Variants in PLEKHA1 observed in about 807,000 individuals in gnomAD.
PLEKHA1 encodes the protein pleckstrin homology domain containing A1.
A neutral mutation model predicts 52.0 loss-of-function variants in PLEKHA1; 34 were observed. The observed-to-expected ratio is 0.65, with a 90% CI of 0.50 to 0.87. PLEKHA1 has a LOEUF of 0.87. Ranked by LOEUF, PLEKHA1 falls within the 40% of genes least tolerant of loss-of-function variation. The pLI is 0.00. For missense variants in PLEKHA1, 497 were observed against 504.2 expected (o/e 0.99, Z 0.14); for synonymous variants, 163 against 170.7 (o/e 0.95, Z 0.35).
intron 11 of PLEKHA1, among the ~76,000 whole-genome samples, chr10:122,427,945 T>C (rs1019011465): frequency 4.6e-5 from 7 of 152,222 alleles, no homozygotes; most frequent in Admixed American, 1.3e-4. Context: ...TAACTACAGA[T>C]AAATAAATAG....
chr10:122,428,378 T>C (rs1177118293), intron 11 of PLEKHA1: 2 of 1,541,406 alleles, frequency 1.3e-6, no homozygotes, highest in African/African-American at 1.4e-5. Flanking sequence ...CGTGCCTTCT[T>C]AGTGGAGGGC....
intron 11 of PLEKHA1, chr10:122,428,502 A>G (rs1224742275): frequency 1.7e-6 from 2 of 1,178,506 alleles, no homozygotes; most frequent in Non-Finnish European, 2.1e-6. Context: ...TGTAGTCATC[A>G]GGTTGGATAT....
chr10:122,383,705 T>G (rs184831093), intron 1 of PLEKHA1, among the ~76,000 whole-genome samples: 2 of 152,272 alleles, frequency 1.3e-5, no homozygotes, highest in Non-Finnish European at 2.9e-5. Context: ...AATGCCGTTA[T>G]CACACCAAAA....
At position 122,384,179 on chromosome 10, in the gene PLEKHA1, G is replaced by A. The variant is rs764550772; in HGVS notation, c.-20-9002G>A. Reference sequence around the variant, plus strand: ...TTACTCATTTTTCTATTGAACGTTTGATATATTTCCCTTAACATTTTTTGC... The same window carrying A: ...TTACTCATTTTTCTATTGAACGTTTAATATATTTCCCTTAACATTTTTTGC... On this transcript the variant is annotated intron_variant, in intron 1 of 11. Transcript: ENST00000368990. Among the ~76,000 whole-genome samples the A allele has an allele frequency of 1.2e-3, 185 of 152,154 alleles. 1 individual carries two copies. The highest frequency in any genetic ancestry group is 2.0e-3 in the Non-Finnish European group (135 of 67,988).
chr10:122,437,504 C>CA, the PLEKHA1 span: 1 of 152,152 alleles, frequency 6.6e-6, no homozygotes, highest in South Asian at 2.1e-4. Flanking sequence ...TGGGAGTCTT[C>CA]AAAGTATTCG....
chr10:122,388,924 CCCT>C (rs2133900241), intron 1 of PLEKHA1, among the ~76,000 whole-genome samples: 1 of 134,980 alleles, frequency 7.4e-6, no homozygotes, highest in African/African-American at 2.5e-5. Context: ...CATTTTCAGG[CCCT>C]TCTAATTCTA....
chr10:122,390,912 A>G (rs577411863), intron 1 of PLEKHA1, among the ~76,000 whole-genome samples: 3 of 152,158 alleles, frequency 2.0e-5, no homozygotes, highest in Non-Finnish European at 4.4e-5. Flanking sequence ...CATTCCCACC[A>G]GCAACGTAGG....
chr10:122,377,645 A>G (rs1388169570), intron 1 of PLEKHA1, among the ~76,000 whole-genome samples: 1 of 152,228 alleles, frequency 6.6e-6, no homozygotes, highest in East Asian at 1.9e-4. Context: ...TTATGTAAAC[A>G]TAAAGCATCC....
intron 7 of PLEKHA1, among the ~76,000 whole-genome samples, chr10:122,417,293 C>T (rs982825071): frequency 6.7e-6 from 1 of 148,922 alleles, no homozygotes; most frequent in Non-Finnish European, 1.5e-5. Flanking sequence ...ATGGGGTTGG[C>T]GGGGGCGAGG....
chr10:122,399,845 A>G (rs2096903528), intron 3 of PLEKHA1, among the ~76,000 whole-genome samples: 1 of 152,104 alleles, frequency 6.6e-6, no homozygotes, highest in African/African-American at 2.4e-5. Context: ...TTGGCCTCTC[A>G]AAGTGCTGGG....
At chr10:122,420,043 C>T (rs2097237002) in intron 8 of PLEKHA1, 1 of 152,188 alleles carries the variant, frequency 6.6e-6, no homozygotes, top group Non-Finnish European at 1.5e-5. Context: ...CCAGAAGACA[C>T]CGGCATCAGC....
At chr10:122,384,384 G>A (rs768334975) in intron 1 of PLEKHA1, among the ~76,000 whole-genome samples, 8 of 152,024 alleles carry the variant, frequency 5.3e-5, no homozygotes, top group East Asian at 1.9e-4. Flanking sequence ...CGAGATGGGC[G>A]GATCACGTGG....
In PLEKHA1 at chr10:122,424,239, A is replaced by T. The variant is rs1366816119; in HGVS notation, c.722A>T (p.His241Leu). 15 of 1,586,362 alleles carry T rather than the reference A, an allele frequency of 9.5e-6. No individual in the cohort carries two copies. Among genetic ancestry groups the T allele is most frequent in the Non-Finnish European group, 1.3e-5 (15 of 1,173,562 alleles). The change falls in exon 9 of 12, where the codon CAT (histidine) becomes CTT (leucine). Residue 241 changes from histidine to leucine, a missense_variant. Physicochemically the swap from His to Leu is moderately conservative, Grantham distance 99. Coordinates refer to ENST00000368990, the MANE Select transcript of PLEKHA1 (RefSeq NM_001001974.4). The stretch of plus-strand genomic sequence containing the variant: ...CGTGTAATACCACTTAAAGAGGTTC[A>T]TAAAGTCCAGGAATGTAAGCAAAGG... ...PLRVIPLKEVHKVQECKQSDI... is the reference protein window; with the variant it reads ...PLRVIPLKEVLKVQECKQSDI...
chr10:122,378,352 CTG>C (rs963963362), intron 1 of PLEKHA1, among the ~76,000 whole-genome samples: 5 of 152,150 alleles, frequency 3.3e-5, no homozygotes, highest in Non-Finnish European at 7.3e-5. Flanking sequence ...CTGCCTTTAA[CTG>C]TATTTTGTAG....
intron 8 of PLEKHA1, chr10:122,420,617 T>A (rs906233855): frequency 3.3e-5 from 5 of 152,232 alleles, no homozygotes; most frequent in African/African-American, 1.2e-4. Context: ...GCCGAAAAAT[T>A]GGTGAAAATA....
At chr10:122,376,871 A>C (rs1049389444) in intron 1 of PLEKHA1, among the ~76,000 whole-genome samples, 2 of 152,220 alleles carry the variant, frequency 1.3e-5, no homozygotes, top group Non-Finnish European at 2.9e-5. Flanking sequence ...ATCGTTTGCT[A>C]ACATATAGGA....
rs776659208 is a variant in PLEKHA1 at position 122,397,920 on chromosome 10, C to T, written c.144C>T (p.Asn48=). The T allele has an allele frequency of 1.2e-6, 2 of 1,601,364 alleles. No homozygotes were observed. Among genetic ancestry groups the T allele is most frequent in the Non-Finnish European group, 1.7e-6 (2 of 1,170,140 alleles). The change falls in exon 3 of 12, where the codon AAC becomes AAT. Residue 48 remains asparagine (N), a splice_region_variant and synonymous_variant. Transcript: ENST00000368990. ...SFVWYMDNPQ[N]LPSGSSRVGA... Reference sequence around the variant, plus strand: ...ATATATTAATACTTTGTTTCTAGAACCTACCTTCTGGATCATCACGTGTTG... The same window carrying T: ...ATATATTAATACTTTGTTTCTAGAATCTACCTTCTGGATCATCACGTGTTG...
chr10:122,421,750 T>A (rs957776029), intron 8 of PLEKHA1: 2 of 152,144 alleles, frequency 1.3e-5, no homozygotes, highest in African/African-American at 4.8e-5. Flanking sequence ...TTAAAAAAAT[T>A]CAGCATCACT....
At chr10:122,426,108 C>T (rs573031164) in intron 10 of PLEKHA1, among the ~76,000 whole-genome samples, 2 of 152,252 alleles carry the variant, frequency 1.3e-5, no homozygotes, top group South Asian at 4.1e-4. Flanking sequence ...AGTTTTTGTA[C>T]ATTTACTGTA....
Sources: gnomAD v4.1 joint callset for allele counts (sites outside exome capture counted in the v4.1 genomes callset) on GRCh38, gnomAD v4.1.1 for gene constraint, MANE v1.5 for transcripts, NCBI Gene and HGNC (gene_info 2026-07-23, HGNC 2026-07-21) for gene names.